The following GLI3 variants were observed in gnomAD, a reference collection of about 807,000 sequenced individuals.
The protein encoded by GLI3 is GLI family zinc finger 3, also known as transcription activator GLI3.
In GLI3, 20 loss-of-function variants were observed where a neutral mutation model predicts 100.8. The ratio of observed to expected loss-of-function variants is 0.20; its 90% confidence interval spans 0.14 to 0.29. GLI3 has a LOEUF of 0.29. Among genes scored for constraint, GLI3 ranks in the 10% least tolerant of loss-of-function variants. The probability of loss-of-function intolerance (pLI) is 1.00; values close to 1 mark genes in which losing one functional copy is unlikely to be tolerated. For missense variants in GLI3, 2,040 were observed against 2,128.5 expected (o/e 0.96, Z 0.82); for synonymous variants, 938 against 860.5 (o/e 1.09, Z -1.58).
chr7:42,214,553 TA>T (rs1475008015), intron 2 of GLI3, among the ~76,000 whole-genome samples: 7 of 147,382 alleles, frequency 4.7e-5, no homozygotes, highest in Non-Finnish European at 9.0e-5. Flanking sequence ...AATAACAGCC[TA>T]AATTGCACTA....
At chr7:41,979,851 G>C (rs542077657) in intron 10 of GLI3, among the ~76,000 whole-genome samples, 1 of 152,134 alleles carries the variant, frequency 6.6e-6, no homozygotes, top group African/African-American at 2.4e-5. Context: ...TCGTGTGGTA[G>C]TGACACAACC....
In GLI3 at chr7:41,964,180, A is replaced by G; in HGVS notation, c.*150T>C. ...TTAGGGTTTTTCAGAGTCCTTTTCC[A>G]TAAAAGGAATATAATTGAAACACAT... is the stretch of plus-strand genomic sequence containing the variant. On this transcript the variant is annotated 3_prime_UTR_variant, in exon 15 of 15. Coordinates refer to ENST00000395925, the MANE Select transcript of GLI3 (RefSeq NM_000168.6). The G allele has an allele frequency of 3.1e-6, 2 of 651,134 alleles. No individual in the cohort carries two copies. Among genetic ancestry groups the G allele is most frequent in the Non-Finnish European group, 5.3e-6 (2 of 376,650 alleles). 40.3% of individuals were successfully genotyped at this position (651,134 alleles called of 1,614,324 possible).
chr7:42,132,368 G>A (rs1419369710), intron 3 of GLI3, among the ~76,000 whole-genome samples: 1 of 152,120 alleles, frequency 6.6e-6, no homozygotes, highest in Non-Finnish European at 1.5e-5. Context: ...CCAAAGTGCT[G>A]GGATTACAGG....
chr7:42,063,159 A>G (rs1784605756), intron 4 of GLI3, among the ~76,000 whole-genome samples: 1 of 152,186 alleles, frequency 6.6e-6, no homozygotes, highest in South Asian at 2.1e-4. Flanking sequence ...AGCATTTTGA[A>G]AACATTCTCT....
At chr7:42,169,470 G>T (rs942745598) in intron 2 of GLI3, among the ~76,000 whole-genome samples, 2 of 152,166 alleles carry the variant, frequency 1.3e-5, no homozygotes, top group African/African-American at 2.4e-5. Flanking sequence ...GCTGGTAAAG[G>T]TTTAATAAGG....
At chr7:42,145,508 G>A (rs950900727) in intron 3 of GLI3, 1 of 398,126 alleles carries the variant, frequency 2.5e-6, no homozygotes, top group Admixed American at 4.4e-5. Context: ...AGGCCACAGT[G>A]CACAGCTCTA....
chr7:42,126,753 A>G (rs1412964254), intron 3 of GLI3, among the ~76,000 whole-genome samples: 1 of 152,230 alleles, frequency 6.6e-6, no homozygotes, highest in Non-Finnish European at 1.5e-5. Context: ...TCAGAAAAGT[A>G]TACACCTCAC....
chr7:42,093,944 T>C (rs1036360121), intron 3 of GLI3, among the ~76,000 whole-genome samples: 25 of 152,068 alleles, frequency 1.6e-4, no homozygotes, highest in African/African-American at 4.8e-4. Context: ...AACTCCCTTC[T>C]TCAATGCAGA....
At chr7:42,138,951 C>T (rs758553669) in intron 3 of GLI3, among the ~76,000 whole-genome samples, 4 of 152,210 alleles carry the variant, frequency 2.6e-5, no homozygotes, top group Non-Finnish European at 5.9e-5. Flanking sequence ...ATCCTCTCCC[C>T]TGAGACTCTT....
intron 7 of GLI3, among the ~76,000 whole-genome samples, chr7:42,030,768 G>GACC (rs944600525): frequency 4.0e-5 from 6 of 150,524 alleles, no homozygotes; most frequent in African/African-American, 1.2e-4. Flanking sequence ...TCCCAGGCTG[G>GACC]AGTGCAGTGG....
At chr7:42,075,409 A>T (rs1420855775) in intron 4 of GLI3, among the ~76,000 whole-genome samples, 2 of 151,962 alleles carry the variant, frequency 1.3e-5, no homozygotes, top group East Asian at 3.9e-4. Context: ...CTCATCTGAG[A>T]CCCATGTGGT....
chr7:42,112,239 A>G (rs920969833), intron 3 of GLI3, among the ~76,000 whole-genome samples: 1 of 152,180 alleles, frequency 6.6e-6, no homozygotes, highest in Non-Finnish European at 1.5e-5. Context: ...GTCCACTGTT[A>G]TTATAAGCAG....
upstream of GLI3, among the ~76,000 whole-genome samples, chr7:42,238,245 T>A (rs973268192): frequency 6.6e-6 from 1 of 151,958 alleles, no homozygotes; most frequent in African/African-American, 2.4e-5. Context: ...CTGGCACTCG[T>A]GCTGCGTCCT....
chr7:42,167,616 G>A (rs1056837767), intron 2 of GLI3, among the ~76,000 whole-genome samples: 3 of 152,190 alleles, frequency 2.0e-5, no homozygotes, highest in African/African-American at 7.2e-5. Context: ...GAAAGAGAGA[G>A]AGAAATAAAC....
chr7:42,039,771 T>C (rs1784092053), intron 7 of GLI3, among the ~76,000 whole-genome samples: 1 of 152,246 alleles, frequency 6.6e-6, no homozygotes, highest in African/African-American at 2.4e-5. Flanking sequence ...TTACTGTCTC[T>C]ACGAAGTGGA....
At chr7:42,076,897 C>T in intron 3 of GLI3, 40 bp from the exon 4 acceptor site, 2 of 1,179,848 alleles carry the variant, frequency 1.7e-6, no homozygotes, top group South Asian at 2.4e-5. Context: ...CAAATGAACA[C>T]TTTCAAACAG....
intron 2 of GLI3, among the ~76,000 whole-genome samples, chr7:42,221,012 A>G (rs11980714): frequency 0.012 from 1,819 of 152,334 alleles, 38 homozygotes; most frequent in African/African-American, 0.04. Flanking sequence ...ATGTGGGCTC[A>G]AGGGCACAAG....
chr7:42,249,859 C>T (rs1467428754), intron 1 of GLI3, among the ~76,000 whole-genome samples: 1 of 152,136 alleles, frequency 6.6e-6, no homozygotes. Flanking sequence ...CTTTGGGAGG[C>T]TGAGTTGGGC....
intron 2 of GLI3, among the ~76,000 whole-genome samples, chr7:42,215,438 A>G (rs1467191212): frequency 6.6e-6 from 1 of 152,168 alleles, no homozygotes; most frequent in East Asian, 1.9e-4. Flanking sequence ...TCAGAGCAGG[A>G]GGTGGTGGGA....
Sources: gnomAD v4.1 joint callset for allele counts (sites outside exome capture counted in the v4.1 genomes callset) on GRCh38, gnomAD v4.1.1 for gene constraint, MANE v1.5 for transcripts, NCBI Gene and HGNC (gene_info 2026-07-23, HGNC 2026-07-21) for gene names.